Variants in OR7G2 observed in about 807,000 individuals in gnomAD.
The protein encoded by OR7G2 is olfactory receptor family 7 subfamily G member 2, also known as olfactory receptor 7G2.
For synonymous variants in OR7G2, 153 were observed against 152.2 expected (o/e 1.01, Z -0.04); for missense variants, 362 against 384.0 (o/e 0.94, Z 0.48).
intron 1 of OR7G2, among the ~76,000 whole-genome samples, chr19:9,103,501 C>CTTT (rs201971532): frequency 2.4e-4 from 29 of 119,076 alleles, no homozygotes; most frequent in Admixed American, 3.5e-4. Flanking sequence ...ATGTGGAAAT[C>CTTT]TTTTTTTTTT....
chr19:9,103,285 T>C, intron 1 of OR7G2, 26 bp from the exon 2 acceptor site: 1 of 1,613,034 alleles, frequency 6.2e-7, no homozygotes, highest in Non-Finnish European at 8.5e-7. Context: ...ATAAAATCTG[T>C]AAGCAGCAGC....
chr19:9,104,593 C>T (rs540483840), intron 1 of OR7G2, among the ~76,000 whole-genome samples: 1 of 151,512 alleles, frequency 6.6e-6, no homozygotes, highest in Admixed American at 6.6e-5. Flanking sequence ...TTTGGGAGGC[C>T]GAGGCGGGCA....
intron 1 of OR7G2, among the ~76,000 whole-genome samples, chr19:9,103,675 TTGTG>T (rs371933843): frequency 1.4e-5 from 2 of 142,494 alleles, no homozygotes; most frequent in Admixed American, 7.1e-5. Flanking sequence ...CTGGCTAATT[TTGTG>T]TGTGTGTGTG....
intron 1 of OR7G2, among the ~76,000 whole-genome samples, chr19:9,104,464 T>C (rs1375973566): frequency 3.3e-5 from 5 of 152,134 alleles, no homozygotes; most frequent in African/African-American, 1.2e-4. Flanking sequence ...TACTGCAACA[T>C]TGCTAACATT....
rs527705487 is a variant in OR7G2, at chr19:9,100,615, A to G, written c.*1654T>C. The G allele has an allele frequency of 2.0e-5, 3 of 152,278 alleles. 1 individual carries two copies. The East Asian group carries it at 5.8e-4, about 29-fold the overall frequency. The allele number at this position is 152,278 out of a possible 1,614,324, so 9.4% of individuals were successfully genotyped here. Reference sequence around the variant, plus strand: ...TATCTCACAATAATCTCAAATCACTAAGATAATCTAATCATGCTAATTTTT... The same window carrying G: ...TATCTCACAATAATCTCAAATCACTGAGATAATCTAATCATGCTAATTTTT... On this transcript the variant is annotated 3_prime_UTR_variant, in exon 2 of 2. Transcript: ENST00000641081.
At position 9,102,887 on chromosome 19, in the gene OR7G2, G is replaced by A. The variant is rs377106930; in HGVS notation, c.357C>T (p.Ala119=). 55 of 1,614,038 alleles carry A rather than the reference G, an allele frequency of 3.4e-5. No homozygotes were observed. The African/African-American group carries it at 6.5e-4, about 19-fold the overall frequency. The stretch of plus-strand genomic sequence containing the variant: ...GACAAATGGCCACATAGCGGTCATA[G>A]GCCATTGCTGCAAGGAGACAATTTT... The part of the protein sequence containing the change: ...GLENCLLAAM[A]YDRYVAICHP... The change falls in exon 2 of 2, where the codon GCC becomes GCT. Residue 119 remains alanine (A), a synonymous_variant. Coordinates refer to ENST00000641081, the MANE Select transcript of OR7G2 (RefSeq NM_001005193.2).
At chr19:9,103,873 T>G (rs1282471428) in intron 1 of OR7G2, among the ~76,000 whole-genome samples, 2 of 148,070 alleles carry the variant, frequency 1.4e-5, no homozygotes, top group African/African-American at 2.5e-5. Flanking sequence ...AATGTTTTTT[T>G]TTTTTTTTTT....
chr19:9,102,691 T>C lies in OR7G2; in HGVS notation c.553A>G (p.Ile185Val), dbSNP rs781548170. The change falls in exon 2 of 2, where the codon ATC (isoleucine) becomes GTC (valine). Residue 185 changes from isoleucine (I) to valine (V), a missense_variant. Transcript: ENST00000641081. ...AGGGTGTCTGAACAGGTGAGTTGGA[T>C]GACCTGAGCCAGTTCACAGAAGAAG... ...PLFFCELAQV[I>V]QLTCSDTLIN... The C allele has an allele frequency of 2.5e-6, 4 of 1,614,050 alleles. No homozygotes were observed. The highest frequency in any genetic ancestry group is 2.5e-6 in the Non-Finnish European group (3 of 1,180,040).
In OR7G2 at chr19:9,106,890, A is replaced by G. The variant is rs188865657; in HGVS notation, c.-17+424T>C. ...GATATTATTCTTCCAAATAATAACAATGGCATTGTGTTGCATTTTAAAAGC... is the reference window on the plus strand; with the variant it reads ...GATATTATTCTTCCAAATAATAACAGTGGCATTGTGTTGCATTTTAAAAGC... On this transcript the variant is annotated intron_variant, in intron 1 of 1. Transcript: ENST00000641081. 3.4e-4 allele frequency among the ~76,000 whole-genome samples: 51 copies of G among 152,164 alleles called. No individual in the cohort carries two copies. In the East Asian group the frequency reaches 6.6e-3, roughly 20 times the overall value.
At position 9,104,219 on chromosome 19, in the gene OR7G2, T is replaced by C. The variant is rs1339079445; in HGVS notation, c.-16-960A>G. Among the ~76,000 whole-genome samples, 4 of 152,108 alleles carry C rather than the reference T, an allele frequency of 2.6e-5. No individual in the cohort carries two copies. In the South Asian group the frequency reaches 8.3e-4, roughly 31 times the overall value. ...GTGGAAATCTTTTATCTTTATTCTTTCTGCTGTTCCCTTACCCATGGCAGA... is the reference window on the plus strand; with the variant it reads ...GTGGAAATCTTTTATCTTTATTCTTCCTGCTGTTCCCTTACCCATGGCAGA... On this transcript the variant is annotated intron_variant, in intron 1 of 1. Coordinates refer to ENST00000641081, the MANE Select transcript of OR7G2 (RefSeq NM_001005193.2).
In OR7G2 at chr19:9,102,683, G is replaced by A. The variant is rs751567863; in HGVS notation, c.561C>T (p.Leu187=). The A allele has an allele frequency of 1.9e-6, 3 of 1,614,164 alleles. No individual in the cohort carries two copies. The highest frequency in any genetic ancestry group is 2.2e-5 in the South Asian group (2 of 91,082). Residue 187 remains leucine, a synonymous_variant, in exon 2 of 2, where the codon CTC becomes CTT. Coordinates refer to ENST00000641081, the MANE Select transcript of OR7G2 (RefSeq NM_001005193.2). ...TATTGATGAGGGTGTCTGAACAGGT[G>A]AGTTGGATGACCTGAGCCAGTTCAC... ...FFCELAQVIQ[L]TCSDTLINNI... is the part of the protein sequence containing the mutation.
intron 1 of OR7G2, 23 bp from the exon 2 acceptor site, chr19:9,103,282 C>A: frequency 6.2e-7 from 1 of 1,613,160 alleles, no homozygotes; most frequent in Non-Finnish European, 8.5e-7. Context: ...ATAATAAAAT[C>A]TGTAAGCAGC....
Position 9,102,196 on chromosome 19 carries a change from C to T in OR7G2, c.*73G>A, listed in dbSNP as rs2050357436. On this transcript the variant is annotated 3_prime_UTR_variant, in exon 2 of 2. Transcript: ENST00000641081. ...CAGCCTGGGAGACAGAGAAAGACTC[C>T]ATCTCAGAGAAAAAAACAAAACAAA... is the stretch of plus-strand genomic sequence containing the variant. 3 of 1,339,190 alleles carry T rather than the reference C, an allele frequency of 2.2e-6. No homozygotes were observed. The highest frequency in any genetic ancestry group is 2.3e-5 in the Admixed American group (1 of 43,806). The allele number at this position is 1,339,190 out of a possible 1,614,324, so 83.0% of individuals were successfully genotyped here. A position where few individuals can be genotyped will look rare whatever the true frequency, so the allele number is the denominator to read the frequency against.
rs1450200716 is a variant in OR7G2, at chr19:9,103,870, T to A, written c.-16-611A>T. ...TTAATCAAAAAATGTGGAAATGTTT[T>A]TTTTTTTTTTTTTTCGGGAGATAGG... On this transcript the variant is annotated intron_variant, in intron 1 of 1. Transcript: ENST00000641081. 1.3e-3 allele frequency among the ~76,000 whole-genome samples: 172 copies of A among 136,342 alleles called. 1 individual carries two copies. The East Asian group carries it at 0.026, about 21-fold the overall frequency. 89.4% of individuals were successfully genotyped at this position (136,342 alleles called of 152,430 possible).
Position 9,102,854 on chromosome 19 carries a change from A to G in OR7G2, c.390T>C (p.Leu130=). ...GGGGGTTCATGATGACTGTGTATCTAAGGGGGTGACAAATGGCCACATAGC... is the reference window on the plus strand; with the variant it reads ...GGGGGTTCATGATGACTGTGTATCTGAGGGGGTGACAAATGGCCACATAGC... ...YDRYVAICHP[L]RYTVIMNPRL... is the part of the protein sequence containing the mutation. The change falls in exon 2 of 2, where the codon CTT becomes CTC. Residue 130 remains leucine, a synonymous_variant. Coordinates refer to ENST00000641081, the MANE Select transcript of OR7G2 (RefSeq NM_001005193.2). The G allele has an allele frequency of 2.5e-6, 4 of 1,613,776 alleles. No individual in the cohort carries two copies. Among genetic ancestry groups the G allele is most frequent in the Non-Finnish European group, 3.4e-6 (4 of 1,179,760 alleles).
At chr19:9,105,352 G>C (rs1395486909) in intron 1 of OR7G2, among the ~76,000 whole-genome samples, 2 of 151,946 alleles carry the variant, frequency 1.3e-5, no homozygotes, top group African/African-American at 4.8e-5. Context: ...ATAAAACAAG[G>C]TATAAAACAT....
At position 9,102,771 on chromosome 19, in the gene OR7G2, A is replaced by G. The variant is rs776531702; in HGVS notation, c.473T>C (p.Leu158Pro). The G allele has an allele frequency of 3.7e-6, 6 of 1,614,160 alleles. No individual in the cohort carries two copies. In the South Asian group the frequency reaches 4.4e-5, roughly 12 times the overall value. ...CAGCCTCAACACCATCAGGCTGAGA[A>G]GAAGGGCATTCACAACACTAGTCAA... ...SLLTSVVNAL[L>P]LSLMVLRLSF... The change falls in exon 2 of 2, where the codon CTT becomes CCT. Residue 158 changes from leucine to proline, a missense_variant. Coordinates refer to ENST00000641081, the MANE Select transcript of OR7G2 (RefSeq NM_001005193.2).
At chr19:9,103,896 G>C (rs1252702365) in intron 1 of OR7G2, among the ~76,000 whole-genome samples, 1 of 142,038 alleles carries the variant, frequency 7.0e-6, no homozygotes, top group African/African-American at 2.6e-5. Flanking sequence ...GGGAGATAGG[G>C]TCTCACTCTG....
Position 9,102,776 on chromosome 19 carries a change from G to A in OR7G2, c.468C>T (p.Ala156=). The change falls in exon 2 of 2, where the codon GCC becomes GCT. Residue 156 remains alanine, a synonymous_variant. Transcript: ENST00000641081. ...LLSLLTSVVN[A]LLLSLMVLRL... ...TCAACACCATCAGGCTGAGAAGAAG[G>A]GCATTCACAACACTAGTCAACAGAG... is the stretch of plus-strand genomic sequence containing the variant. The A allele has an allele frequency of 6.2e-7, 1 of 1,614,050 alleles. No homozygotes were observed. Among genetic ancestry groups the A allele is most frequent in the Non-Finnish European group, 8.5e-7 (1 of 1,180,008 alleles).
Sources: allele counts gnomAD v4.1 joint callset (sites outside exome capture counted in the v4.1 genomes callset), GRCh38; gene constraint gnomAD v4.1.1; transcripts MANE v1.5; gene names NCBI Gene and HGNC (gene_info 2026-07-23, HGNC 2026-07-21).